Variants in ACSL5 observed in about 807,000 individuals in gnomAD.
The protein encoded by ACSL5 is long-chain-fatty-acid--CoA ligase 5.
In ACSL5, 50 loss-of-function variants were observed where a neutral mutation model predicts 84.9. The observed-to-expected ratio is 0.59, with a 90% CI of 0.47 to 0.75. The LOEUF (loss-of-function observed/expected upper bound fraction) is 0.75, where lower values mean the gene tolerates loss of function less well. Among genes scored for constraint, ACSL5 ranks in the 30% least tolerant of loss-of-function variants. ACSL5 has a pLI of 0.00. For missense variants in ACSL5, 775 were observed against 830.4 expected, an observed-to-expected ratio of 0.93 and a Z score of 0.82; for synonymous variants, 280 against 300.7, an observed-to-expected ratio of 0.93 and a Z score of 0.71.
chr10:112,409,179 T>C (rs1156302043), intron 6 of ACSL5: 1 of 244,982 alleles, frequency 4.1e-6, no homozygotes, highest in East Asian at 8.4e-5. Flanking sequence ...TTCCCTACTA[T>C]CCTCCTCAAA....
chr10:112,426,540 A>G, intron 19 of ACSL5, 181 bp downstream of exon 19: 1 of 624,808 alleles, frequency 1.6e-6, no homozygotes, highest in Non-Finnish European at 2.8e-6. Context: ...ATTTAAAATA[A>G]TATGTTCATT....
At chr10:112,418,046 C>A in intron 14 of ACSL5, 105 bp downstream of exon 14, 1 of 869,312 alleles carries the variant, frequency 1.2e-6, no homozygotes, top group South Asian at 1.9e-5. Flanking sequence ...AAATGAAAGT[C>A]ACCTAAATTC....
rs1844151988 is a variant in ACSL5 at position 112,410,454 on chromosome 10, T to C, written c.712-9T>C. 6.2e-7 allele frequency: 1 copy of C among 1,614,072 alleles called. No homozygotes were observed. The highest frequency in any genetic ancestry group is 8.5e-7 in the Non-Finnish European group (1 of 1,180,006). On this transcript the variant is annotated splice_polypyrimidine_tract_variant and intron_variant, in intron 7 of 20. Transcript: ENST00000354655. ...AATGTCTTTCTTTCTTGGTTTTCCA[T>C]TCACATAGAACCTAGGCAAAGAGCA...
At position 112,409,569 on chromosome 10, in the gene ACSL5, G is replaced by A. The variant is rs1423574328; in HGVS notation, c.595G>A (p.Glu199Lys). The change falls in exon 7 of 21, where the codon GAG (glutamate) becomes AAG (lysine). Residue 199 changes from glutamate to lysine, a missense_variant. Coordinates refer to ENST00000354655, the MANE Select transcript of ACSL5 (RefSeq NM_203379.2). ...QKALVLIGNV[E>K]KGFTPSLKVI... ...GGCATTGGTGCTGATAGGGAATGTA[G>A]AGAAAGGCTTCACCCCGAGCCTGAA... The A allele has an allele frequency of 6.2e-7, 1 of 1,614,126 alleles. No individual in the cohort carries two copies.
intron 20 of ACSL5, 133 bp from the exon 21 acceptor site, chr10:112,427,085 G>A: frequency 1.0e-6 from 1 of 976,988 alleles, no homozygotes; most frequent in Non-Finnish European, 1.5e-6. Context: ...ATGTTTGTGG[G>A]AATGGGCATG....
intron 13 of ACSL5, among the ~76,000 whole-genome samples, chr10:112,417,475 C>G (rs1482650085): frequency 6.6e-6 from 1 of 151,184 alleles, no homozygotes; most frequent in African/African-American, 2.4e-5. Context: ...TGCACTCCAG[C>G]CTGGGCAGTA....
chr10:112,425,597 A>T, intron 18 of ACSL5, 116 bp downstream of exon 18: 11 of 440,582 alleles, frequency 2.5e-5, no homozygotes, highest in Non-Finnish European at 1.3e-5. Flanking sequence ...TATAAAACTA[A>T]AAAAAAAAAA....
chr10:112,411,611 GACACACACACACACAT>G lies in ACSL5; in HGVS notation c.870+98_870+113del, dbSNP rs1844179556. 6.9e-6 allele frequency: 8 copies of G among 1,163,046 alleles called. No homozygotes were observed. In the South Asian group the frequency reaches 7.9e-5, roughly 11 times the overall value. The allele number at this position is 1,163,046 out of a possible 1,614,324, so 72.0% of individuals were successfully genotyped here. On this transcript the variant is annotated intron_variant, in intron 10 of 20. Transcript: ENST00000354655. ...TTTATTTTTGAGGTTAGAGCAGGCAGACACACACACACACATACACACACACACACACACACGTTAA... is the reference window on the plus strand; with the variant it reads ...TTTATTTTTGAGGTTAGAGCAGGCAGACACACACACACACACACACGTTAA...
At chr10:112,400,228 C>G (rs945588138) in intron 3 of ACSL5, among the ~76,000 whole-genome samples, 1 of 151,414 alleles carries the variant, frequency 6.6e-6, no homozygotes, top group Non-Finnish European at 1.5e-5. Flanking sequence ...CCTTTTTTTT[C>G]AGAGACGGGA....
intron 20 of ACSL5, 30 bp downstream of exon 20, chr10:112,426,889 C>G (rs1375444721): frequency 1.3e-6 from 2 of 1,532,912 alleles, no homozygotes; most frequent in Non-Finnish European, 1.8e-6. Context: ...TTATACTGGC[C>G]TCTTGTCAGA....
intron 9 of ACSL5, among the ~76,000 whole-genome samples, chr10:112,411,213 C>T (rs1844168175): frequency 6.6e-6 from 1 of 152,152 alleles, no homozygotes; most frequent in Admixed American, 6.6e-5. Flanking sequence ...AGCTGTGCTT[C>T]TATCTGAAAT....
At chr10:112,395,448 G>A (rs531592098) in intron 2 of ACSL5, among the ~76,000 whole-genome samples, 1 of 152,244 alleles carries the variant, frequency 6.6e-6, no homozygotes, top group East Asian at 1.9e-4. Flanking sequence ...GTCCCACAAA[G>A]CCTAAAGTGT....
intron 1 of ACSL5, among the ~76,000 whole-genome samples, chr10:112,381,522 G>A (rs963958450): frequency 3.3e-5 from 5 of 152,024 alleles, no homozygotes; most frequent in Admixed American, 1.3e-4. Context: ...AAAATTAGCC[G>A]GATGTGATGA....
chr10:112,419,517 T>C (rs1288895418), intron 14 of ACSL5: 6 of 152,150 alleles, frequency 3.9e-5, no homozygotes, highest in African/African-American at 1.4e-4. Flanking sequence ...TTTTGTAATG[T>C]TTGCATTATA....
At chr10:112,418,195 A>T in intron 14 of ACSL5, among the ~76,000 whole-genome samples, 1 of 152,200 alleles carries the variant, frequency 6.6e-6, no homozygotes, top group East Asian at 1.9e-4. Context: ...CATTTTAATG[A>T]TTTCACAGTA....
intron 9 of ACSL5, among the ~76,000 whole-genome samples, chr10:112,411,112 AT>A (rs1218792836): frequency 1.3e-5 from 2 of 152,170 alleles, no homozygotes; most frequent in Non-Finnish European, 2.9e-5. Context: ...ATATCACTAT[AT>A]AATATTGGTA....
At chr10:112,417,201 T>TAAAAAAA (rs377732977) in intron 13 of ACSL5, among the ~76,000 whole-genome samples, 179 bp downstream of exon 13, 2,875 of 120,008 alleles carry the variant, frequency 0.024, 121 homozygotes, top group South Asian at 0.068. Context: ...GGAGTAGGTT[T>TAAAAAAA]AAAAAAAAAA....
intron 12 of ACSL5, among the ~76,000 whole-genome samples, chr10:112,415,367 T>C (rs927927525): frequency 2.0e-5 from 3 of 152,068 alleles, no homozygotes; most frequent in African/African-American, 7.2e-5. Context: ...GACCGGCTAA[T>C]TTTTTGTATT....
rs375234780 is a variant in ACSL5, at chr10:112,425,383, C to G, written c.1639C>G (p.Leu547Val). ...CGACCGTAAAAAGAACATTTTCAAG[C>G]TGGCCCAAGGAGAATACATTGCACC... ...IIDRKKNIFKLAQGEYIAPEK... is the reference protein window; with the variant it reads ...IIDRKKNIFKVAQGEYIAPEK... Residue 547 changes from leucine to valine, a missense_variant, in exon 18 of 21, where the codon CTG (leucine) becomes GTG (valine). Physicochemically the swap from Leu to Val is conservative, Grantham distance 32. Transcript: ENST00000354655. 6 of 1,612,782 alleles carry G rather than the reference C, an allele frequency of 3.7e-6. No individual in the cohort carries two copies. Among genetic ancestry groups the G allele is most frequent in the Admixed American group, 1.7e-5 (1 of 59,822 alleles).
Sources: allele counts gnomAD v4.1 joint callset (sites outside exome capture counted in the v4.1 genomes callset), GRCh38; gene constraint gnomAD v4.1.1; transcripts MANE v1.5; gene names NCBI Gene and HGNC (gene_info 2026-07-23, HGNC 2026-07-21).